The following SORCS2 variants were observed in gnomAD, a reference collection of about 807,000 sequenced individuals.
The protein encoded by SORCS2 is sortilin related VPS10 domain containing receptor 2.
A neutral mutation model predicts 141.6 loss-of-function variants in SORCS2; 100 were observed. The ratio of observed to expected loss-of-function variants is 0.71; its 90% confidence interval spans 0.60 to 0.83. SORCS2 has a LOEUF of 0.83. SORCS2 is among the 40% of genes least tolerant of loss of function. The pLI, the probability that SORCS2 is intolerant of heterozygous loss-of-function variation, is 0.00. For synonymous variants in SORCS2, 789 were observed against 676.9 expected (o/e 1.17, Z -2.57); for missense variants, 1,646 against 1,560.2 (o/e 1.05, Z -0.93).
At chr4:7,511,487 G>A (rs1339235439) in intron 2 of SORCS2, among the ~76,000 whole-genome samples, 1 of 150,848 alleles carries the variant, frequency 6.6e-6, no homozygotes, top group Non-Finnish European at 1.5e-5. Context: ...GGGAGGGGGG[G>A]TGGAGAGAGA....
At chr4:7,723,134 T>C (rs1054344016) in intron 18 of SORCS2, among the ~76,000 whole-genome samples, 1 of 152,056 alleles carries the variant, frequency 6.6e-6, no homozygotes, top group African/African-American at 2.4e-5. Flanking sequence ...TGGCAGTTGG[T>C]GGGAGCTCCT....
chr4:7,276,846 G>T (rs1390443584), intron 1 of SORCS2, among the ~76,000 whole-genome samples: 1 of 152,170 alleles, frequency 6.6e-6, no homozygotes, highest in African/African-American at 2.4e-5. Context: ...CCTGTGCTCA[G>T]AGTTGATGTG....
At chr4:7,700,387 C>T (rs951501110) in intron 12 of SORCS2, among the ~76,000 whole-genome samples, 1 of 152,182 alleles carries the variant, frequency 6.6e-6, no homozygotes, top group Non-Finnish European at 1.5e-5. Context: ...GATGATCTGC[C>T]TCCTTGGGGG....
chr4:7,638,292 C>T (rs1252346434), intron 3 of SORCS2, 36 bp from the exon 4 acceptor site: 6 of 1,490,622 alleles, frequency 4.0e-6, no homozygotes, highest in African/African-American at 2.9e-5. Flanking sequence ...GAGAGGGGCA[C>T]CTGGCCCAGG....
chr4:7,350,294 C>G (rs1720863297), intron 1 of SORCS2, among the ~76,000 whole-genome samples: 1 of 152,230 alleles, frequency 6.6e-6, no homozygotes, highest in South Asian at 2.1e-4. Flanking sequence ...GGGACAGTGT[C>G]AGCGTTCCAG....
At position 7,192,602 on chromosome 4, in the gene SORCS2, G is replaced by C. The variant is rs1726905962; in HGVS notation, c.-45G>C. 1.0e-6 allele frequency: 1 copy of C among 987,198 alleles called. No individual in the cohort carries two copies. The highest frequency in any genetic ancestry group is 1.2e-6 in the Non-Finnish European group (1 of 831,788). 61.2% of individuals were successfully genotyped at this position (987,198 alleles called of 1,614,324 possible). ...CTGCTCTCCCGGCCGCGGTCCCCTCGTCCGCGCCGCCCCGCCGCCGGCTCC... is the reference window on the plus strand; with the variant it reads ...CTGCTCTCCCGGCCGCGGTCCCCTCCTCCGCGCCGCCCCGCCGCCGGCTCC... On this transcript the variant is annotated 5_prime_UTR_variant, in exon 1 of 27. Transcript: ENST00000507866. This position sits in a 1 kb window ranked among gnomAD's most constrained non-coding sequence, Gnocchi z 4.0.
chr4:7,693,059 G>T (rs755598467), intron 11 of SORCS2, among the ~76,000 whole-genome samples: 1 of 152,206 alleles, frequency 6.6e-6, no homozygotes, highest in East Asian at 1.9e-4. Context: ...CCCAGCCCTG[G>T]CCGAGGGTGC....
intron 1 of SORCS2, among the ~76,000 whole-genome samples, chr4:7,204,638 A>T (rs546261584): frequency 3.9e-5 from 6 of 152,190 alleles, no homozygotes; most frequent in Non-Finnish European, 5.9e-5. Context: ...GGAAATCCAC[A>T]GGAGGAGAAA....
intron 1 of SORCS2, among the ~76,000 whole-genome samples, chr4:7,378,447 C>A (rs558150202): frequency 3.2e-4 from 48 of 152,286 alleles, no homozygotes; most frequent in African/African-American, 1.1e-3. Flanking sequence ...GAAGAGGAAG[C>A]AAACACGTCC....
chr4:7,553,446 G>A (rs1280072732), intron 3 of SORCS2, among the ~76,000 whole-genome samples: 1 of 152,234 alleles, frequency 6.6e-6, no homozygotes, highest in Non-Finnish European at 1.5e-5. Flanking sequence ...GTAGATAGGT[G>A]CAGAAAAAGT....
chr4:7,382,778 G>A (rs185853174), intron 1 of SORCS2, among the ~76,000 whole-genome samples: 183 of 152,180 alleles, frequency 1.2e-3, no homozygotes, highest in African/African-American at 4.2e-3. Context: ...AGTGGCCCAG[G>A]GAGAGAAGAA....
chr4:7,615,088 C>T (rs1718671407), intron 3 of SORCS2, among the ~76,000 whole-genome samples: 1 of 152,246 alleles, frequency 6.6e-6, no homozygotes, highest in Non-Finnish European at 1.5e-5. Context: ...ACCCATCCAT[C>T]CATCCATTCA....
chr4:7,451,476 G>A (rs1257275841), intron 2 of SORCS2, among the ~76,000 whole-genome samples: 1 of 152,276 alleles, frequency 6.6e-6, no homozygotes, highest in Non-Finnish European at 1.5e-5. Context: ...CCAGTGCTGG[G>A]TGCTGGGAAT....
rs1237932181 is a variant in SORCS2, at chr4:7,695,912, A to G, written c.1592-1286A>G. ...GATGGATGGATGGATGGATGGATGG[A>G]TGGATGGATGGATTGGTGGGTGGGT... On this transcript the variant is annotated intron_variant, in intron 11 of 26. Coordinates refer to ENST00000507866, the MANE Select transcript of SORCS2 (RefSeq NM_020777.3). Among the ~76,000 whole-genome samples the G allele has an allele frequency of 2.4e-4, 23 of 95,070 alleles. 1 individual carries two copies. The highest frequency in any genetic ancestry group is 8.7e-4 in the African/African-American group (22 of 25,324). 62.4% of individuals were successfully genotyped at this position (95,070 alleles called of 152,430 possible).
intron 1 of SORCS2, among the ~76,000 whole-genome samples, chr4:7,195,845 T>G (rs1727137279): frequency 6.6e-6 from 1 of 152,242 alleles, no homozygotes; most frequent in Non-Finnish European, 1.5e-5. Context: ...ACGGCTGGTT[T>G]GCTGAGCAGT....
rs569260195 is a variant in SORCS2, at chr4:7,296,988, C to T, written c.481-99300C>T. ...CCCCTCCCCAGACACCAGCATCTTC[C>T]GGCCTCTGGGGATTTGAACTTGCAG... On this transcript the variant is annotated intron_variant, in intron 1 of 26. Transcript: ENST00000507866. Among the ~76,000 whole-genome samples, 28 of 152,310 alleles carry T rather than the reference C, an allele frequency of 1.8e-4. 1 individual carries two copies. In the Middle Eastern group the frequency reaches 0.017, roughly 93 times the overall value.
At chr4:7,202,269 A>G (rs1039890359) in intron 1 of SORCS2, among the ~76,000 whole-genome samples, 10 of 152,156 alleles carry the variant, frequency 6.6e-5, no homozygotes, top group Admixed American at 6.6e-5. Context: ...CAGAAGGCCT[A>G]TGGTGCTTGT....
intron 3 of SORCS2, among the ~76,000 whole-genome samples, chr4:7,615,132 A>C (rs914573646): frequency 6.6e-5 from 10 of 152,184 alleles, no homozygotes; most frequent in African/African-American, 2.4e-4. Context: ...CTGTTCATCC[A>C]TCTGCCATCC....
At chr4:7,559,011 G>A (rs1034910529) in intron 3 of SORCS2, among the ~76,000 whole-genome samples, 3 of 152,192 alleles carry the variant, frequency 2.0e-5, no homozygotes, top group African/African-American at 7.2e-5. Flanking sequence ...AGCATTCCTG[G>A]TCTTCTCTGT....
Sources: gnomAD v4.1 joint callset for allele counts (sites outside exome capture counted in the v4.1 genomes callset) on GRCh38, gnomAD v4.1.1 for gene constraint, Gnocchi (gnomAD v3.1) non-coding constraint, MANE v1.5 for transcripts, NCBI Gene and HGNC (gene_info 2026-07-23, HGNC 2026-07-21) for gene names.